MYRIP: variants seen among roughly 807,000 people sequenced by gnomAD.
MYRIP encodes the protein rab effector MyRIP.
MYRIP carries 49 observed loss-of-function variants against 98.0 expected under a neutral mutation model. The observed-to-expected ratio is 0.50, with a 90% CI of 0.40 to 0.63. The LOEUF (loss-of-function observed/expected upper bound fraction) is 0.63. Ranked by LOEUF, MYRIP falls within the 30% of genes least tolerant of loss-of-function variation. The pLI, the probability that MYRIP is intolerant of heterozygous loss-of-function variation, is 0.00. For synonymous variants in MYRIP, 404 were observed against 409.5 expected (o/e 0.99, Z 0.16); for missense variants, 1,004 against 1,058.2 (o/e 0.95, Z 0.71).
intron 4 of MYRIP, among the ~76,000 whole-genome samples, chr3:40,153,442 G>T (rs1950159541): frequency 6.6e-6 from 1 of 152,180 alleles, no homozygotes; most frequent in Non-Finnish European, 1.5e-5. Context: ...ACCCTTTGTA[G>T]GTTTGTCATC....
chr3:39,822,430 G>A (rs1297455898), intron 1 of MYRIP, among the ~76,000 whole-genome samples: 1 of 151,914 alleles, frequency 6.6e-6, no homozygotes, highest in Non-Finnish European at 1.5e-5. Flanking sequence ...CGTCAAATTC[G>A]TAAACTTTCT....
intron 2 of MYRIP, among the ~76,000 whole-genome samples, chr3:40,015,843 A>C (rs1404582304): frequency 6.6e-6 from 1 of 152,222 alleles, no homozygotes; most frequent in African/African-American, 2.4e-5. Flanking sequence ...ATCTATTTTG[A>C]AATTTAGTAA....
At chr3:40,094,933 T>C (rs1208485404) in intron 3 of MYRIP, among the ~76,000 whole-genome samples, 1 of 152,120 alleles carries the variant, frequency 6.6e-6, no homozygotes, top group Non-Finnish European at 1.5e-5. Context: ...CCACTCAGCC[T>C]CAGAAACCAC....
intron 2 of MYRIP, among the ~76,000 whole-genome samples, chr3:39,924,297 G>A (rs1278365137): frequency 6.6e-6 from 1 of 151,968 alleles, no homozygotes; most frequent in Admixed American, 6.6e-5. Flanking sequence ...CTATATATAT[G>A]ATATAAAAAT....
intron 3 of MYRIP, among the ~76,000 whole-genome samples, chr3:40,065,856 G>T (rs140058258): frequency 1.7e-3 from 255 of 152,190 alleles, no homozygotes; most frequent in African/African-American, 4.5e-3. Context: ...CGAGCACAAT[G>T]CCTGGCACAC....
intron 2 of MYRIP, among the ~76,000 whole-genome samples, chr3:39,977,500 T>C (rs1945786598): frequency 6.6e-6 from 1 of 152,186 alleles, no homozygotes; most frequent in Non-Finnish European, 1.5e-5. Flanking sequence ...GTTCAGTTCC[T>C]GCAGAGCCAG....
At chr3:40,218,488 C>A (rs929773723) in intron 11 of MYRIP, among the ~76,000 whole-genome samples, 1 of 150,844 alleles carries the variant, frequency 6.6e-6, no homozygotes, top group African/African-American at 2.4e-5. Context: ...GTGGTAGCTA[C>A]ACAACTGCAT....
At chr3:40,130,534 C>T (rs1396470600) in intron 3 of MYRIP, among the ~76,000 whole-genome samples, 2 of 151,724 alleles carry the variant, frequency 1.3e-5, no homozygotes, top group African/African-American at 2.4e-5. Context: ...CCCACCATCA[C>T]GCCCGGCTAA....
At chr3:40,219,866 G>A (rs1233936551) in intron 11 of MYRIP, among the ~76,000 whole-genome samples, 1 of 149,852 alleles carries the variant, frequency 6.7e-6, no homozygotes, top group African/African-American at 2.5e-5. Flanking sequence ...GGGATGGCTG[G>A]GTCAAATGGT....
At chr3:40,089,120 G>A (rs1295943808) in intron 3 of MYRIP, among the ~76,000 whole-genome samples, 1 of 152,076 alleles carries the variant, frequency 6.6e-6, no homozygotes, top group South Asian at 2.1e-4. Flanking sequence ...GGATGTGAGG[G>A]CCTGGGATCC....
chr3:39,896,243 T>C (rs969037549), intron 1 of MYRIP, among the ~76,000 whole-genome samples: 1 of 152,256 alleles, frequency 6.6e-6, no homozygotes, highest in African/African-American at 2.4e-5. Context: ...ACAGAGGCTC[T>C]GACATTTTGC....
chr3:40,067,324 G>A (rs1357371650), intron 3 of MYRIP, among the ~76,000 whole-genome samples: 3 of 152,166 alleles, frequency 2.0e-5, no homozygotes, highest in African/African-American at 7.2e-5. Flanking sequence ...GCAAGAATGA[G>A]GTCTGGGTGG....
In MYRIP at chr3:39,826,110, A is replaced by AT. The variant is rs577281638; in HGVS notation, c.-31+16201dup. On this transcript the variant is annotated intron_variant, in intron 1 of 16. Transcript: ENST00000302541. ...CTAATAGTTTGTCAATTTTGTTTAT[A>AT]TTTTTTTAAAAAAACAATTTTTTGT... Among the ~76,000 whole-genome samples, 288 of 148,016 alleles carry AT rather than the reference A, an allele frequency of 1.9e-3. 2 individuals are homozygous for AT. The highest frequency in any genetic ancestry group is 6.2e-3 in the African/African-American group (247 of 39,874).
At chr3:39,998,449 T>C (rs569989823) in intron 2 of MYRIP, among the ~76,000 whole-genome samples, 1 of 152,132 alleles carries the variant, frequency 6.6e-6, no homozygotes, top group South Asian at 2.1e-4. Context: ...GACAATAAAA[T>C]ACCTAGGAAT....
At chr3:39,833,191 A>G (rs1489892416) in intron 1 of MYRIP, among the ~76,000 whole-genome samples, 1 of 152,218 alleles carries the variant, frequency 6.6e-6, no homozygotes, top group Non-Finnish European at 1.5e-5. Flanking sequence ...GAAGTGAGAC[A>G]TAAATGAACC....
intron 1 of MYRIP, among the ~76,000 whole-genome samples, chr3:39,864,015 G>A (rs1306348856): frequency 1.3e-5 from 2 of 152,046 alleles, no homozygotes; most frequent in Non-Finnish European, 2.9e-5. Context: ...TAATAAATGT[G>A]ATTTATCACA....
At chr3:40,233,505 G>T (rs747656342) in intron 11 of MYRIP, among the ~76,000 whole-genome samples, 2 of 152,168 alleles carry the variant, frequency 1.3e-5, no homozygotes, top group Non-Finnish European at 2.9e-5. Flanking sequence ...GTCTGAGACT[G>T]AAGTTTTGCT....
intron 3 of MYRIP, among the ~76,000 whole-genome samples, chr3:40,047,239 A>T (rs1261192216): frequency 6.6e-6 from 1 of 152,208 alleles, no homozygotes; most frequent in African/African-American, 2.4e-5. Flanking sequence ...TTAAATTTTC[A>T]TTTCATATTT....
chr3:39,962,075 A>G (rs914500798), intron 2 of MYRIP, among the ~76,000 whole-genome samples: 7 of 152,134 alleles, frequency 4.6e-5, no homozygotes, highest in African/African-American at 1.7e-4. Flanking sequence ...TGTCTAATTA[A>G]TTCATCTGGA....
Sources: allele counts gnomAD v4.1 joint callset (sites outside exome capture counted in the v4.1 genomes callset), GRCh38; gene constraint gnomAD v4.1.1; transcripts MANE v1.5; gene names NCBI Gene and HGNC (gene_info 2026-07-23, HGNC 2026-07-21).